The following C3orf33 variants were observed in gnomAD, a reference collection of about 807,000 sequenced individuals.
The protein encoded by C3orf33 is mitochondrial inner membrane subdomain organizer 1, also known as AP-1 activity suppressor.
In C3orf33, 23 loss-of-function variants were observed where a neutral mutation model predicts 28.7. That is an observed-to-expected ratio of 0.80 (90% CI 0.58 to 1.13). The LOEUF is 1.13. C3orf33 is among the 50% of genes most tolerant of loss of function. The pLI, the probability that C3orf33 is intolerant of heterozygous loss-of-function variation, is 0.00. For missense variants in C3orf33, 327 were observed against 353.4 expected (o/e 0.93, Z 0.60); for synonymous variants, 119 against 120.5 (o/e 0.99, Z 0.08).
At chr3:155,768,511 T>C (rs971016009) in intron 3 of C3orf33, among the ~76,000 whole-genome samples, 2 of 152,212 alleles carry the variant, frequency 1.3e-5, no homozygotes, top group Non-Finnish European at 2.9e-5. Context: ...AAACCCTTGA[T>C]AGAATTTTAA....
chr3:155,792,713 T>C (rs1237833148), intron 2 of C3orf33, among the ~76,000 whole-genome samples: 1 of 151,924 alleles, frequency 6.6e-6, no homozygotes, highest in Non-Finnish European at 1.5e-5. Flanking sequence ...CATCAGAGTC[T>C]CTAAACAGCA....
intron 2 of C3orf33, among the ~76,000 whole-genome samples, chr3:155,785,245 A>G (rs1751063750): frequency 6.6e-6 from 1 of 152,156 alleles, no homozygotes; most frequent in Non-Finnish European, 1.5e-5. Flanking sequence ...AGGGAGAAAT[A>G]GATAATTTTG....
intron 2 of C3orf33, among the ~76,000 whole-genome samples, chr3:155,786,367 T>C (rs1426642960): frequency 6.6e-6 from 1 of 151,950 alleles, no homozygotes; most frequent in African/African-American, 2.4e-5. Context: ...AATCTTTAGC[T>C]AAATGGACTA....
At chr3:155,776,770 A>G (rs1050498831) in intron 2 of C3orf33, among the ~76,000 whole-genome samples, 44 of 89,872 alleles carry the variant, frequency 4.9e-4, no homozygotes, top group Non-Finnish European at 2.1e-4. Context: ...AAAAAAAAAA[A>G]AAAAAAAAAA....
At chr3:155,776,396 A>C (rs1374624313) in intron 2 of C3orf33, among the ~76,000 whole-genome samples, 1 of 152,214 alleles carries the variant, frequency 6.6e-6, no homozygotes. Context: ...CTTAGGTGAT[A>C]TCCTGGAATC....
At chr3:155,790,678 T>C (rs1266953036) in intron 2 of C3orf33, among the ~76,000 whole-genome samples, 1 of 152,074 alleles carries the variant, frequency 6.6e-6, no homozygotes, top group Non-Finnish European at 1.5e-5. Flanking sequence ...GTACATTGAT[T>C]ATGGGATTTT....
intron 3 of C3orf33, among the ~76,000 whole-genome samples, chr3:155,774,045 G>C (rs368202703): frequency 6.6e-6 from 1 of 152,012 alleles, no homozygotes; most frequent in South Asian, 2.1e-4. Context: ...CGTTCAACTC[G>C]GGATTTTAAA....
intron 2 of C3orf33, among the ~76,000 whole-genome samples, chr3:155,795,468 T>G (rs1002249803): frequency 6.6e-6 from 1 of 151,056 alleles, no homozygotes; most frequent in Non-Finnish European, 1.5e-5. Context: ...AAATAAATAA[T>G]TAAAAATAAA....
At chr3:155,801,243 G>A (rs1307580364) in intron 2 of C3orf33, among the ~76,000 whole-genome samples, 1 of 151,170 alleles carries the variant, frequency 6.6e-6, no homozygotes, top group African/African-American at 2.4e-5. Flanking sequence ...CCCAGGAGGT[G>A]GAAGTTACAG....
At chr3:155,765,799 C>T (rs923653942) in intron 4 of C3orf33, among the ~76,000 whole-genome samples, 1 of 152,160 alleles carries the variant, frequency 6.6e-6, no homozygotes, top group Non-Finnish European at 1.5e-5. Flanking sequence ...CTGCTGGCCT[C>T]GGCCTCCCAA....
chr3:155,792,543 T>C (rs1354687129), intron 2 of C3orf33, among the ~76,000 whole-genome samples: 1 of 151,936 alleles, frequency 6.6e-6, no homozygotes, highest in Non-Finnish European at 1.5e-5. Flanking sequence ...TTGAAGAGAA[T>C]ATTCGAAATG....
At chr3:155,771,650 G>A (rs1750596741) in intron 3 of C3orf33, among the ~76,000 whole-genome samples, 1 of 152,170 alleles carries the variant, frequency 6.6e-6, no homozygotes, top group Non-Finnish European at 1.5e-5. Flanking sequence ...TCCTGCTACA[G>A]CCTCTCAAAG....
intron 3 of C3orf33, among the ~76,000 whole-genome samples, chr3:155,768,288 A>G (rs1277183028): frequency 6.6e-6 from 1 of 152,198 alleles, no homozygotes; most frequent in Non-Finnish European, 1.5e-5. Flanking sequence ...ACATAAAGCT[A>G]TAGGCCTTCA....
intron 2 of C3orf33, among the ~76,000 whole-genome samples, chr3:155,785,303 A>C (rs1206370354): frequency 6.6e-6 from 1 of 152,186 alleles, no homozygotes; most frequent in Non-Finnish European, 1.5e-5. Flanking sequence ...GAATAGCCAG[A>C]CAGAAGATAA....
At chr3:155,766,718 G>C (rs1407631228) in intron 4 of C3orf33, among the ~76,000 whole-genome samples, 2 of 152,198 alleles carry the variant, frequency 1.3e-5, no homozygotes, top group Non-Finnish European at 2.9e-5. Flanking sequence ...GGAGGCTGAG[G>C]CAGGCAGATC....
chr3:155,792,318 A>G (rs939047576), intron 2 of C3orf33, among the ~76,000 whole-genome samples: 8 of 152,180 alleles, frequency 5.3e-5, no homozygotes, highest in African/African-American at 9.7e-5. Context: ...TTAGATGACA[A>G]CACCCAAGTG....
intron 2 of C3orf33, among the ~76,000 whole-genome samples, chr3:155,792,172 A>G (rs553302321): frequency 6.6e-6 from 1 of 152,304 alleles, no homozygotes; most frequent in Admixed American, 6.5e-5. Context: ...GGGGAAGAAC[A>G]AGAGTCTCTG....
chr3:155,765,697 G>A (rs1035018203), intron 4 of C3orf33, among the ~76,000 whole-genome samples: 2 of 151,942 alleles, frequency 1.3e-5, no homozygotes, highest in Non-Finnish European at 2.9e-5. Flanking sequence ...CCAGGCACCC[G>A]GCACCATGCC....
At chr3:155,788,194 A>AG (rs1751195902) in intron 2 of C3orf33, among the ~76,000 whole-genome samples, 1 of 151,734 alleles carries the variant, frequency 6.6e-6, no homozygotes, top group South Asian at 2.1e-4. Flanking sequence ...CCGTCTCAAA[A>AG]AAAAAAAGGA....
Sources: allele counts gnomAD v4.1 joint callset (sites outside exome capture counted in the v4.1 genomes callset), GRCh38; gene constraint gnomAD v4.1.1; transcripts MANE v1.5; gene names NCBI Gene and HGNC (gene_info 2026-07-23, HGNC 2026-07-21).